The following KIF27 variants were observed in gnomAD, a reference collection of about 807,000 sequenced individuals.
KIF27 encodes the protein kinesin-like protein KIF27.
KIF27 carries 84 observed loss-of-function variants against 141.8 expected under a neutral mutation model. The observed-to-expected ratio is 0.59, with a 90% CI of 0.50 to 0.71. The LOEUF (loss-of-function observed/expected upper bound fraction) is 0.71, where lower values mean the gene tolerates loss of function less well. Among genes scored for constraint, KIF27 ranks in the 30% least tolerant of loss-of-function variants. The probability of loss-of-function intolerance (pLI) is 0.00; values close to 1 mark genes in which losing one functional copy is unlikely to be tolerated. For missense variants in KIF27, 1,306 were observed against 1,628.4 expected (o/e 0.80, Z 3.41); for synonymous variants, 471 against 569.5 (o/e 0.83, Z 2.46).
At chr9:83,854,624 G>A (rs1212953496) in intron 14 of KIF27, among the ~76,000 whole-genome samples, 1 of 152,100 alleles carries the variant, frequency 6.6e-6, no homozygotes, top group African/African-American at 2.4e-5. Context: ...GAACTCAAAA[G>A]TCTTGGGCCC....
chr9:83,855,508 GTGAA>G (rs1261265015), intron 14 of KIF27, among the ~76,000 whole-genome samples: 6 of 152,146 alleles, frequency 3.9e-5, no homozygotes, highest in Non-Finnish European at 8.8e-5. Flanking sequence ...ATGTACTTAG[GTGAA>G]TGAATAAGAG....
intron 11 of KIF27, chr9:83,880,082 T>C: frequency 1.6e-6 from 1 of 606,774 alleles, no homozygotes; most frequent in Non-Finnish European, 2.8e-6. Flanking sequence ...TGTACCTTCT[T>C]TTGTGAAGTC....
chr9:83,874,749 T>C (rs1487296816), intron 11 of KIF27, among the ~76,000 whole-genome samples: 4 of 151,720 alleles, frequency 2.6e-5, no homozygotes, highest in Non-Finnish European at 2.9e-5. Flanking sequence ...GCCTGGGCAA[T>C]ATAGTAAGAC....
At chr9:83,864,849 C>A (rs1476460971) in intron 13 of KIF27, among the ~76,000 whole-genome samples, 3 of 152,136 alleles carry the variant, frequency 2.0e-5, no homozygotes, top group Non-Finnish European at 4.4e-5. Flanking sequence ...CTTTATGAAT[C>A]TGGGTGCCCC....
chr9:83,837,533 T>G, intron 17 of KIF27, 48 bp from the exon 18 acceptor site: 3 of 1,518,272 alleles, frequency 2.0e-6, no homozygotes, highest in Non-Finnish European at 2.7e-6. Context: ...TTCCTCAAAA[T>G]TAGGTATTTT....
At chr9:83,898,678 A>C (rs1196544651) in intron 5 of KIF27, 3 of 152,234 alleles carry the variant, frequency 2.0e-5, no homozygotes, top group African/African-American at 7.2e-5. Flanking sequence ...AGGGCCAGGC[A>C]TGGTGGCTCA....
chr9:83,843,865 G>GA (rs1946877923), intron 16 of KIF27, among the ~76,000 whole-genome samples: 3 of 152,120 alleles, frequency 2.0e-5, no homozygotes. Flanking sequence ...TGGGACCACA[G>GA]GCACATGCCA....
intron 13 of KIF27, among the ~76,000 whole-genome samples, chr9:83,864,230 T>C (rs367990896): frequency 1.3e-5 from 2 of 152,346 alleles, no homozygotes; most frequent in East Asian, 3.9e-4. Flanking sequence ...TGAATGTGTT[T>C]GCTCTTGCTT....
intron 16 of KIF27, 26 bp from the exon 17 acceptor site, chr9:83,842,427 A>T (rs1173966052): frequency 1.4e-6 from 2 of 1,475,962 alleles, no homozygotes. Flanking sequence ...TTGCATTTAA[A>T]ATCAGTTTTA....
Position 83,903,583 on chromosome 9 carries a change from G to GTGAT in KIF27, c.934_935insATCA (p.Thr312AsnfsTer16). On this transcript the variant is annotated frameshift_variant, in exon 4 of 18. Coordinates refer to ENST00000297814, the MANE Select transcript of KIF27 (RefSeq NM_017576.4). LOFTEE classifies it high-confidence loss of function. Reference sequence around the variant, plus strand: ...GGGGCTGACACATGTGATCATGACAGTCTTAGCACTGCCTCCCAGAGAATC... The same window carrying GTGAT: ...GGGGCTGACACATGTGATCATGACAGTGATTCTTAGCACTGCCTCCCAGAGAATC... The GTGAT allele has an allele frequency of 6.2e-7, 1 of 1,614,158 alleles. No homozygotes were observed. The highest frequency in any genetic ancestry group is 1.1e-5 in the South Asian group (1 of 91,080).
At chr9:83,911,267 C>G (rs747221200) in intron 2 of KIF27, among the ~76,000 whole-genome samples, 4 of 152,104 alleles carry the variant, frequency 2.6e-5, no homozygotes, top group Non-Finnish European at 5.9e-5. Flanking sequence ...CAAGCTCTCA[C>G]TATGTTGCCC....
In KIF27 at chr9:83,920,442, T is replaced by G. The variant is rs190498129; in HGVS notation, c.-88+929A>C. 7.2e-5 allele frequency among the ~76,000 whole-genome samples: 11 copies of G among 152,342 alleles called. No homozygotes were observed. In the East Asian group the frequency reaches 1.9e-3, roughly 27 times the overall value. The stretch of plus-strand genomic sequence containing the variant: ...GTATACTCAACGGGTTTTTGAAATC[T>G]GAGCAAAGGCAAGAGAAATATTGAA... On this transcript the variant is annotated intron_variant, in intron 1 of 17. Transcript: ENST00000297814.
At chr9:83,918,928 T>C (rs1955974649) in intron 1 of KIF27, among the ~76,000 whole-genome samples, 1 of 151,980 alleles carries the variant, frequency 6.6e-6, no homozygotes, top group South Asian at 2.1e-4. Context: ...ATACAAAAAT[T>C]AGACGGGCAT....
Position 83,887,173 on chromosome 9 carries a change from C to T in KIF27, c.2107G>A (p.Glu703Lys). ...NEDLKIDCLQ[E>K]SQELNLQKLK... Reference sequence around the variant, plus strand: ...TTTTGCAAATTCAATTCTTGACTCTCCTGGAGACAATCAATCTTTAAATCT... The same window carrying T: ...TTTTGCAAATTCAATTCTTGACTCTTCTGGAGACAATCAATCTTTAAATCT... The change falls in exon 9 of 18, where the codon GAG becomes AAG. Residue 703 changes from glutamate to lysine, a missense_variant. This residue lies in a region of KIF27 where 596 missense variants were observed against 751.6 expected (regional missense o/e 0.79). Transcript: ENST00000297814. 1 of 1,540,368 alleles carries T rather than the reference C, an allele frequency of 6.5e-7. No homozygotes were observed. Among genetic ancestry groups the T allele is most frequent in the Non-Finnish European group, 8.7e-7 (1 of 1,144,262 alleles).
At chr9:83,915,910 G>C (rs1161522701) in intron 1 of KIF27, among the ~76,000 whole-genome samples, 5 of 152,026 alleles carry the variant, frequency 3.3e-5, no homozygotes, top group Non-Finnish European at 7.4e-5. Context: ...AAATGATGAA[G>C]CTAGGTGATA....
chr9:83,863,250 T>G (rs1950089195), intron 13 of KIF27, among the ~76,000 whole-genome samples: 1 of 152,168 alleles, frequency 6.6e-6, no homozygotes, highest in South Asian at 2.1e-4. Context: ...CCCTGTCTTG[T>G]GCCAGTTTTC....
chr9:83,842,234 T>C lies in KIF27; in HGVS notation c.3721+3A>G. The C allele has an allele frequency of 6.5e-7, 1 of 1,543,232 alleles. No homozygotes were observed. Among genetic ancestry groups the C allele is most frequent in the Non-Finnish European group, 8.7e-7 (1 of 1,154,410 alleles). On this transcript the variant is annotated splice_donor_region_variant and intron_variant, in intron 17 of 17. Coordinates refer to ENST00000297814, the MANE Select transcript of KIF27 (RefSeq NM_017576.4). ...TTAAGAGTGACAACACTAAAAGTCT[T>C]ACACTCTGATGGTGCTAGTTGCCGC...
rs1280260855 is a variant in KIF27, at chr9:83,897,369, A to C, written c.1602+2292T>G. On this transcript the variant is annotated intron_variant, in intron 5 of 17. Transcript: ENST00000297814. ...GATAGCACTCAAAACAGTTGTGAGA[A>C]GATGGTTTCCAATAAATGATGCTAG... Among the ~76,000 whole-genome samples the C allele has an allele frequency of 3.9e-5, 6 of 152,214 alleles. No homozygotes were observed. The East Asian group carries it at 1.2e-3, about 29-fold the overall frequency.
intron 3 of KIF27, among the ~76,000 whole-genome samples, chr9:83,907,408 T>C (rs1404846589): frequency 1.3e-5 from 2 of 151,870 alleles, no homozygotes; most frequent in African/African-American, 2.4e-5. Flanking sequence ...TTCTAGGCGC[T>C]AGGATTAAAG....
Sources: allele counts gnomAD v4.1 joint callset (sites outside exome capture counted in the v4.1 genomes callset), GRCh38; gene constraint gnomAD v4.1.1; regional missense constraint gnomAD v4.1.1; transcripts MANE v1.5; gene names NCBI Gene and HGNC (gene_info 2026-07-23, HGNC 2026-07-21).